Variants in SCARA5 observed in about 807,000 individuals in gnomAD.
SCARA5 encodes scavenger receptor class A, member 5 (putative).
SCARA5 carries 45 observed loss-of-function variants against 46.3 expected under a neutral mutation model. That is an observed-to-expected ratio of 0.97 (90% confidence interval 0.76 to 1.24). The LOEUF (loss-of-function observed/expected upper bound fraction) is 1.24. Ranked by LOEUF, SCARA5 falls within the 50% of genes most tolerant of loss-of-function variation. The pLI is 0.00. For synonymous variants in SCARA5, 333 were observed against 306.5 expected, an observed-to-expected ratio of 1.09 and a Z score of -0.90; for missense variants, 680 against 689.0, an observed-to-expected ratio of 0.99 and a Z score of 0.15.
At chr8:27,927,274 G>A (rs754814589) in intron 3 of SCARA5, among the ~76,000 whole-genome samples, 2 of 152,094 alleles carry the variant, frequency 1.3e-5, no homozygotes, top group Admixed American at 6.6e-5. Context: ...GCAGGAAACT[G>A]GACTGAAACT....
At position 27,921,506 on chromosome 8, in the gene SCARA5, G is replaced by T. The variant is rs972140266; in HGVS notation, c.916+65C>A. 7.4e-5 allele frequency: 102 copies of T among 1,380,716 alleles called. No homozygotes were observed. In the African/African-American group the frequency reaches 1.4e-3, roughly 19 times the overall value. 85.5% of individuals were successfully genotyped at this position (1,380,716 alleles called of 1,614,324 possible). A position where few individuals can be genotyped will look rare whatever the true frequency, so the allele number is the denominator to read the frequency against. On this transcript the variant is annotated intron_variant, in intron 4 of 8. Coordinates refer to ENST00000354914, the MANE Select transcript of SCARA5 (RefSeq NM_173833.6). Reference sequence around the variant, plus strand: ...GGGTACTCCTGGGTCCTTGGGGAGGGGCGTGCAGGAGGAAGACCCCATCAG... The same window carrying T: ...GGGTACTCCTGGGTCCTTGGGGAGGTGCGTGCAGGAGGAAGACCCCATCAG...
At chr8:27,968,393 G>A (rs563688620) in intron 2 of SCARA5, among the ~76,000 whole-genome samples, 98 of 152,216 alleles carry the variant, frequency 6.4e-4, no homozygotes, top group South Asian at 1.5e-3. Context: ...CTGATTTTCC[G>A]CTAAGACAAA....
intron 2 of SCARA5, among the ~76,000 whole-genome samples, chr8:27,977,691 C>T (rs36099751): frequency 0.18 from 26,910 of 152,172 alleles, 2,559 homozygotes; most frequent in Non-Finnish European, 0.21. Context: ...CTGCACCTCC[C>T]GGTTAAGAGC....
chr8:27,901,370 C>A (rs190535989), intron 7 of SCARA5, among the ~76,000 whole-genome samples: 1 of 152,230 alleles, frequency 6.6e-6, no homozygotes, highest in East Asian at 1.9e-4. Context: ...TCTTCCCGCA[C>A]GATGTTGGCT....
chr8:27,992,081 G>T (rs1279434174), intron 1 of SCARA5, among the ~76,000 whole-genome samples, 176 bp downstream of exon 1: 1 of 152,168 alleles, frequency 6.6e-6, no homozygotes, highest in African/African-American at 2.4e-5. Flanking sequence ...GGGCCCGGCA[G>T]ATATCTGCGG....
At chr8:27,957,378 C>T (rs761163207) in intron 3 of SCARA5, among the ~76,000 whole-genome samples, 37 of 152,348 alleles carry the variant, frequency 2.4e-4, no homozygotes, top group Non-Finnish European at 4.7e-4. Flanking sequence ...GAACACTGTT[C>T]TAGGCGGTTA....
At position 27,878,631 on chromosome 8, in the gene SCARA5, T is replaced by C. The variant is rs78189069; in HGVS notation, c.1351+938A>G. 9.7e-4 allele frequency among the ~76,000 whole-genome samples: 148 copies of C among 152,296 alleles called. 2 individuals carry two copies. The East Asian group carries it at 0.027, about 28-fold the overall frequency. On this transcript the variant is annotated intron_variant, in intron 8 of 8. Transcript: ENST00000354914. ...GGCAAGATGAATATCTGGGGATTAA[T>C]CTGGAGAAGAAAAGACTCAGAGAGG...
chr8:27,920,355 G>A lies in SCARA5; in HGVS notation c.916+1216C>T, dbSNP rs1268102896. Among the ~76,000 whole-genome samples, 5 of 152,176 alleles carry A rather than the reference G, an allele frequency of 3.3e-5. No homozygotes were observed. The East Asian group carries it at 9.6e-4, about 29-fold the overall frequency. ...TGGCCAGGTGTAGTGGCTCAAGCCT[G>A]TAATCCCAGTACTTTGGGAGGCTGA... On this transcript the variant is annotated intron_variant, in intron 4 of 8. Coordinates refer to ENST00000354914, the MANE Select transcript of SCARA5 (RefSeq NM_173833.6).
intron 2 of SCARA5, among the ~76,000 whole-genome samples, chr8:27,966,772 C>T (rs62496813): frequency 0.2 from 30,060 of 152,194 alleles, 3,376 homozygotes; most frequent in Non-Finnish European, 0.26. Flanking sequence ...AGCCAGATCA[C>T]ATGTCCACAG....
intron 7 of SCARA5, among the ~76,000 whole-genome samples, chr8:27,889,250 G>A (rs1806945421): frequency 6.6e-6 from 1 of 152,188 alleles, no homozygotes; most frequent in South Asian, 2.1e-4. Flanking sequence ...ATATCACTAG[G>A]AACAACTTCC....
intron 7 of SCARA5, among the ~76,000 whole-genome samples, chr8:27,882,475 G>A (rs564716964): frequency 6.6e-6 from 1 of 152,348 alleles, no homozygotes; most frequent in South Asian, 2.1e-4. Flanking sequence ...TTGCCTGCTA[G>A]GGAGGAGGGT....
intron 4 of SCARA5, among the ~76,000 whole-genome samples, chr8:27,915,543 C>G (rs1448114611): frequency 1.3e-5 from 2 of 152,224 alleles, no homozygotes; most frequent in African/African-American, 4.8e-5. Flanking sequence ...ACCCAGAAAC[C>G]AGAGTCCCAG....
intron 3 of SCARA5, among the ~76,000 whole-genome samples, chr8:27,962,764 C>T (rs952107332): frequency 3.9e-5 from 6 of 152,208 alleles, no homozygotes; most frequent in East Asian, 1.9e-4. Flanking sequence ...GCAGAAACTA[C>T]GTCACATTGC....
chr8:27,960,074 T>C (rs1249357447), intron 3 of SCARA5, among the ~76,000 whole-genome samples: 2 of 152,252 alleles, frequency 1.3e-5, no homozygotes, highest in African/African-American at 4.8e-5. Flanking sequence ...TAGACAAAGT[T>C]ACTGGGTGTT....
intron 3 of SCARA5, among the ~76,000 whole-genome samples, chr8:27,926,820 G>C (rs1031328101): frequency 5.3e-5 from 8 of 152,118 alleles, no homozygotes; most frequent in Non-Finnish European, 1.0e-4. Context: ...GATCTCTTGG[G>C]ATGTAGGCTG....
intron 3 of SCARA5, among the ~76,000 whole-genome samples, chr8:27,953,772 G>A (rs1180991137): frequency 6.6e-6 from 1 of 152,254 alleles, no homozygotes; most frequent in Non-Finnish European, 1.5e-5. Context: ...CCCATTGGGG[G>A]AGTCACCTTA....
chr8:27,933,292 C>A (rs1392444684), intron 3 of SCARA5, among the ~76,000 whole-genome samples: 1 of 151,878 alleles, frequency 6.6e-6, no homozygotes, highest in Admixed American at 6.6e-5. Context: ...GAGGCTGAGG[C>A]GGGTGAACCA....
intron 3 of SCARA5, among the ~76,000 whole-genome samples, chr8:27,954,997 C>T (rs1342999328): frequency 6.6e-6 from 1 of 152,224 alleles, no homozygotes; most frequent in Non-Finnish European, 1.5e-5. Context: ...TGCAGAAGCA[C>T]TCCATCCAGC....
At chr8:27,884,161 T>C (rs991658095) in intron 7 of SCARA5, among the ~76,000 whole-genome samples, 1 of 152,166 alleles carries the variant, frequency 6.6e-6, no homozygotes. Flanking sequence ...CCTCTCGATA[T>C]TGGATGTATT....
Sources: allele counts gnomAD v4.1 joint callset (sites outside exome capture counted in the v4.1 genomes callset), GRCh38; gene constraint gnomAD v4.1.1; transcripts MANE v1.5; gene names NCBI Gene and HGNC (gene_info 2026-07-23, HGNC 2026-07-21).